The following LRBA variants were observed in gnomAD, a reference collection of about 807,000 sequenced individuals.
The protein encoded by LRBA is lipopolysaccharide-responsive and beige-like anchor protein.
In LRBA, 176 loss-of-function variants were observed where a neutral mutation model predicts 330.0. The ratio of observed to expected loss-of-function variants is 0.53; its 90% CI spans 0.47 to 0.60. The LOEUF is 0.60. LRBA is among the 20% of genes least tolerant of loss of function. The probability of loss-of-function intolerance (pLI) is 0.00; values close to 1 mark genes in which losing one functional copy is unlikely to be tolerated. For synonymous variants in LRBA, 1,230 were observed against 1,193.0 expected, an observed-to-expected ratio of 1.03 and a Z score of -0.64; for missense variants, 3,259 against 3,444.8, an observed-to-expected ratio of 0.95 and a Z score of 1.35.
chr4:150,953,386 C>T (rs1334229012), intron 2 of LRBA, among the ~76,000 whole-genome samples: 4 of 147,270 alleles, frequency 2.7e-5, no homozygotes, highest in African/African-American at 1.0e-4. Flanking sequence ...CCTCCCCCCC[C>T]TCTTTGCACG....
At chr4:150,288,136 C>T (rs1480802095) in intron 53 of LRBA, among the ~76,000 whole-genome samples, 3 of 151,752 alleles carry the variant, frequency 2.0e-5, no homozygotes, top group East Asian at 2.0e-4. Flanking sequence ...GGACTACAGG[C>T]GCCCGCCACT....
chr4:150,771,651 T>C (rs183784873), intron 34 of LRBA, among the ~76,000 whole-genome samples: 56 of 152,194 alleles, frequency 3.7e-4, no homozygotes, highest in African/African-American at 1.3e-3. Context: ...AGGTAACAGG[T>C]TGATCATCCT....
intron 45 of LRBA, among the ~76,000 whole-genome samples, chr4:150,435,952 C>T (rs1323924359): frequency 1.3e-5 from 2 of 152,048 alleles, no homozygotes; most frequent in African/African-American, 4.8e-5. Flanking sequence ...AGGTAGCCTT[C>T]CTTTCCAAGA....
intron 37 of LRBA, among the ~76,000 whole-genome samples, chr4:150,614,945 G>GA (rs1481341165): frequency 1.3e-5 from 2 of 152,114 alleles, no homozygotes; most frequent in Non-Finnish European, 2.9e-5. Context: ...AGACAAAACA[G>GA]AAAAAAGGGA....
chr4:150,928,113 T>TAG (rs752046066), intron 4 of LRBA, among the ~76,000 whole-genome samples: 1 of 152,152 alleles, frequency 6.6e-6, no homozygotes, highest in Non-Finnish European at 1.5e-5. Flanking sequence ...CTCAAGAGGG[T>TAG]AGATCCAATT....
At chr4:150,559,530 A>C (rs1385611218) in intron 40 of LRBA, among the ~76,000 whole-genome samples, 1 of 133,630 alleles carries the variant, frequency 7.5e-6, no homozygotes, top group Non-Finnish European at 1.5e-5. Flanking sequence ...AAAAATATAT[A>C]TACATTATAT....
intron 37 of LRBA, among the ~76,000 whole-genome samples, chr4:150,671,741 G>T (rs1277265817): frequency 6.6e-6 from 1 of 152,076 alleles, no homozygotes; most frequent in Non-Finnish European, 1.5e-5. Flanking sequence ...CTAAAACCCT[G>T]GTAAGTAAGT....
At chr4:150,609,528 TTCTTC>T (rs1775014196) in intron 37 of LRBA, among the ~76,000 whole-genome samples, 1 of 152,208 alleles carries the variant, frequency 6.6e-6, no homozygotes, top group Non-Finnish European at 1.5e-5. Flanking sequence ...GATATTATAC[TTCTTC>T]ATAATCTAGT....
At chr4:150,493,894 G>A (rs770338056) in intron 40 of LRBA, among the ~76,000 whole-genome samples, 6 of 152,062 alleles carry the variant, frequency 3.9e-5, no homozygotes, top group Admixed American at 1.3e-4. Flanking sequence ...CTTGATGCCA[G>A]GCAACATAGC....
intron 44 of LRBA, among the ~76,000 whole-genome samples, chr4:150,440,218 T>C (rs1751643224): frequency 6.6e-6 from 1 of 152,098 alleles, no homozygotes; most frequent in African/African-American, 2.4e-5. Flanking sequence ...TAATTTCTTT[T>C]AAAAAATCAG....
chr4:150,999,430 C>CT (rs1334446246), intron 2 of LRBA, among the ~76,000 whole-genome samples: 22 of 145,736 alleles, frequency 1.5e-4, no homozygotes, highest in East Asian at 8.0e-4. Flanking sequence ...TGCTGATTTC[C>CT]TTTTTTTTTT....
intron 47 of LRBA, among the ~76,000 whole-genome samples, chr4:150,414,344 T>A (rs980373750): frequency 2.6e-5 from 4 of 152,148 alleles, no homozygotes; most frequent in African/African-American, 9.7e-5. Context: ...AAGATAGGAT[T>A]AATTGTTGGT....
chr4:150,319,194 G>T (rs1166828328), intron 50 of LRBA, among the ~76,000 whole-genome samples: 1 of 151,726 alleles, frequency 6.6e-6, no homozygotes, highest in Non-Finnish European at 1.5e-5. Flanking sequence ...TTCCCGTTGA[G>T]CCAGCTCTTC....
At chr4:150,653,964 T>C (rs1779942341) in intron 37 of LRBA, among the ~76,000 whole-genome samples, 1 of 152,112 alleles carries the variant, frequency 6.6e-6, no homozygotes, top group South Asian at 2.1e-4. Context: ...TAATCAATAA[T>C]ACTCCTTCTC....
At chr4:150,803,053 A>G (rs1741919641) in intron 33 of LRBA, among the ~76,000 whole-genome samples, 1 of 133,828 alleles carries the variant, frequency 7.5e-6, no homozygotes, top group South Asian at 2.2e-4. Context: ...CTAAAAACAA[A>G]AACAAAAACA....
At chr4:150,640,600 G>T (rs1437543968) in intron 37 of LRBA, among the ~76,000 whole-genome samples, 2 of 152,150 alleles carry the variant, frequency 1.3e-5, no homozygotes, top group Non-Finnish European at 2.9e-5. Flanking sequence ...TTCAGAGGGT[G>T]AAGAACTATA....
At chr4:150,916,954 C>T (rs970772004) in intron 5 of LRBA, among the ~76,000 whole-genome samples, 1 of 152,090 alleles carries the variant, frequency 6.6e-6, no homozygotes, top group Admixed American at 6.5e-5. Flanking sequence ...GAGATTGAGA[C>T]CATCCTGGCT....
chr4:150,937,004 T>C (rs1170757984), intron 2 of LRBA, among the ~76,000 whole-genome samples: 6 of 152,026 alleles, frequency 3.9e-5, no homozygotes, highest in Admixed American at 3.9e-4. Flanking sequence ...TAACCACCCT[T>C]TCAAGAAGCT....
chr4:150,966,185 T>C (rs899926435), intron 2 of LRBA, among the ~76,000 whole-genome samples: 11 of 152,158 alleles, frequency 7.2e-5, no homozygotes, highest in African/African-American at 2.2e-4. Flanking sequence ...TGGAAGATGG[T>C]AGAAAAGAAG....
Sources: allele counts gnomAD v4.1 joint callset (sites outside exome capture counted in the v4.1 genomes callset), GRCh38; gene constraint gnomAD v4.1.1; transcripts MANE v1.5; gene names NCBI Gene and HGNC (gene_info 2026-07-23, HGNC 2026-07-21).